MAGI2: variants seen among roughly 807,000 people sequenced by gnomAD.
MAGI2 encodes membrane-associated guanylate kinase, WW and PDZ domain-containing protein 2.
Under a neutral mutation model 133.3 loss-of-function variants are expected in MAGI2, and 35 were observed. The observed-to-expected ratio is 0.26, with a 90% CI of 0.20 to 0.35. The LOEUF (loss-of-function observed/expected upper bound fraction) is 0.35. Ranked by LOEUF, MAGI2 falls within the 10% of genes least tolerant of loss-of-function variation. The probability of loss-of-function intolerance (pLI) is 1.00; values close to 1 mark genes in which losing one functional copy is unlikely to be tolerated. For missense variants in MAGI2, 1,636 were observed against 1,863.4 expected, an observed-to-expected ratio of 0.88 and a Z score of 2.25; for synonymous variants, 729 against 710.6, an observed-to-expected ratio of 1.03 and a Z score of -0.41.
At chr7:78,782,236 T>C (rs1826453878) in intron 2 of MAGI2, among the ~76,000 whole-genome samples, 1 of 152,066 alleles carries the variant, frequency 6.6e-6, no homozygotes, top group Non-Finnish European at 1.5e-5. Flanking sequence ...TCACCATAAA[T>C]CCATTAGGTA....
rs146424824 is a variant in MAGI2, at chr7:78,737,158, T to C, written c.419-109919A>G. Reference sequence around the variant, plus strand: ...TTGAGCTTTAGAGCTAAATTATAATTTGGGGAAACTTTTATCTGCCACTGC... The same window carrying C: ...TTGAGCTTTAGAGCTAAATTATAATCTGGGGAAACTTTTATCTGCCACTGC... On this transcript the variant is annotated intron_variant, in intron 2 of 21. Coordinates refer to ENST00000354212, the MANE Select transcript of MAGI2 (RefSeq NM_012301.4). 6.5e-4 allele frequency among the ~76,000 whole-genome samples: 99 copies of C among 152,304 alleles called. No homozygotes were observed. In the East Asian group the frequency reaches 9.8e-3, roughly 15 times the overall value.
intron 3 of MAGI2, among the ~76,000 whole-genome samples, chr7:78,622,530 C>T (rs1252255513): frequency 6.6e-6 from 1 of 151,982 alleles, no homozygotes; most frequent in East Asian, 1.9e-4. Flanking sequence ...AGTTGAGTAG[C>T]ACAGAATTCT....
chr7:79,097,771 A>G (rs151304623), intron 1 of MAGI2, among the ~76,000 whole-genome samples: 1 of 152,332 alleles, frequency 6.6e-6, no homozygotes, highest in East Asian at 1.9e-4. Flanking sequence ...GGTTTGGGAC[A>G]TTTTATCTAC....
intron 2 of MAGI2, among the ~76,000 whole-genome samples, chr7:78,888,379 T>C (rs1584287656): frequency 6.6e-6 from 1 of 151,946 alleles, no homozygotes; most frequent in African/African-American, 2.4e-5. Context: ...TTGAAGAGAG[T>C]AGCGGTTCTC....
At chr7:79,041,978 T>TA (rs1368020403) in intron 1 of MAGI2, among the ~76,000 whole-genome samples, 1 of 151,922 alleles carries the variant, frequency 6.6e-6, no homozygotes, top group Non-Finnish European at 1.5e-5. Flanking sequence ...AACTAAGAAT[T>TA]AAAAAAATTA....
chr7:78,462,650 G>C (rs2160322), intron 6 of MAGI2, among the ~76,000 whole-genome samples: 82,906 of 151,992 alleles, frequency 0.55, 24,020 homozygotes, highest in Middle Eastern at 0.74. Flanking sequence ...AACCTTTTTC[G>C]CAAAATGTAA....
At chr7:78,158,465 G>A (rs569366038) in intron 16 of MAGI2, 5 of 152,124 alleles carry the variant, frequency 3.3e-5, no homozygotes, top group Admixed American at 6.5e-5. Flanking sequence ...TAGAACCTTA[G>A]AGCTGGAGGA....
intron 2 of MAGI2, among the ~76,000 whole-genome samples, chr7:78,705,201 G>A (rs189797702): frequency 1.1e-4 from 16 of 152,158 alleles, no homozygotes; most frequent in African/African-American, 3.6e-4. Context: ...ATTGGATCAT[G>A]AGGGTGGTCC....
rs536598602 is a variant in MAGI2 at position 79,334,627 on chromosome 7, G to T, written c.301+118393C>A. Among the ~76,000 whole-genome samples, 4 of 152,100 alleles carry T rather than the reference G, an allele frequency of 2.6e-5. No homozygotes were observed. The South Asian group carries it at 8.3e-4, about 32-fold the overall frequency. ...ACAGTCCCTATTTTAAAGAATTATG[G>T]TATACTTTTAGAAATAGTAATGTTG... On this transcript the variant is annotated intron_variant, in intron 1 of 21. Coordinates refer to ENST00000354212, the MANE Select transcript of MAGI2 (RefSeq NM_012301.4).
intron 21 of MAGI2, among the ~76,000 whole-genome samples, chr7:78,070,218 T>TACACACACACAC (rs374567182): frequency 7.7e-4 from 40 of 52,220 alleles, no homozygotes; most frequent in South Asian, 2.6e-3. Context: ...TATATATATA[T>TACACACACACAC]ACACACACAC....
At chr7:79,378,403 G>C (rs1017598036) in intron 1 of MAGI2, among the ~76,000 whole-genome samples, 1 of 151,648 alleles carries the variant, frequency 6.6e-6, no homozygotes. Flanking sequence ...GAGATACTGG[G>C]AGGACAGATG....
rs752028985 is a variant in MAGI2 at position 78,222,224 on chromosome 7, C to A, written c.2048-21031G>T. Among the ~76,000 whole-genome samples, 4 of 152,080 alleles carry A rather than the reference C, an allele frequency of 2.6e-5. No individual in the cohort carries two copies. The East Asian group carries it at 7.7e-4, about 29-fold the overall frequency. On this transcript the variant is annotated intron_variant, in intron 10 of 21. Transcript: ENST00000354212. ...TCGAGGGTTTCAGTTTAGTAAACCACGTGTTTTATGGGATAGCAAAAAATT... is the reference window on the plus strand; with the variant it reads ...TCGAGGGTTTCAGTTTAGTAAACCAAGTGTTTTATGGGATAGCAAAAAATT...
intron 16 of MAGI2, among the ~76,000 whole-genome samples, chr7:78,136,959 A>G (rs1008635427): frequency 1.3e-5 from 2 of 151,768 alleles, no homozygotes; most frequent in African/African-American, 2.4e-5. Flanking sequence ...GTTGGAAACT[A>G]AAACATGTTT....
At chr7:78,658,480 A>G (rs1411198313) in intron 2 of MAGI2, among the ~76,000 whole-genome samples, 1 of 152,210 alleles carries the variant, frequency 6.6e-6, no homozygotes, top group Non-Finnish European at 1.5e-5. Context: ...ACTGGGCTTC[A>G]TATAATTAAG....
At chr7:78,485,910 G>A (rs1246984952) in intron 6 of MAGI2, 2 of 152,006 alleles carry the variant, frequency 1.3e-5, no homozygotes, top group Non-Finnish European at 2.9e-5. Flanking sequence ...TATTAGACAT[G>A]AGAAAACAGA....
intron 2 of MAGI2, among the ~76,000 whole-genome samples, chr7:78,875,248 C>T (rs1795328470): frequency 6.6e-6 from 1 of 152,130 alleles, no homozygotes; most frequent in African/African-American, 2.4e-5. Context: ...AAGTTAACTC[C>T]TTTATTGATT....
At chr7:79,292,946 A>G (rs1395874968) in intron 1 of MAGI2, among the ~76,000 whole-genome samples, 1 of 152,048 alleles carries the variant, frequency 6.6e-6, no homozygotes, top group East Asian at 1.9e-4. Flanking sequence ...TCCAACCTAC[A>G]TTACTGCTTT....
chr7:78,633,184 T>C (rs545775351), intron 2 of MAGI2, among the ~76,000 whole-genome samples: 6 of 152,130 alleles, frequency 3.9e-5, no homozygotes, highest in Non-Finnish European at 7.4e-5. Flanking sequence ...AAGTGGGAGC[T>C]AAATGGTGAG....
At chr7:79,332,708 A>G (rs1017413022) in intron 1 of MAGI2, among the ~76,000 whole-genome samples, 1 of 152,214 alleles carries the variant, frequency 6.6e-6, no homozygotes, top group Non-Finnish European at 1.5e-5. Context: ...GCAATAAACT[A>G]TAATTCTAAG....
Sources: gnomAD v4.1 joint callset for allele counts (sites outside exome capture counted in the v4.1 genomes callset) on GRCh38, gnomAD v4.1.1 for gene constraint, MANE v1.5 for transcripts, NCBI Gene and HGNC (gene_info 2026-07-23, HGNC 2026-07-21) for gene names.